VPS13D: variants seen among roughly 807,000 people sequenced by gnomAD.
VPS13D encodes vacuolar protein sorting 13 homolog D.
A neutral mutation model predicts 461.9 loss-of-function variants in VPS13D; 187 were observed. That is an observed-to-expected ratio of 0.40 (90% CI 0.36 to 0.46). The LOEUF is 0.46. VPS13D is among the 20% of genes least tolerant of loss of function. The pLI, the probability that VPS13D is intolerant of heterozygous loss-of-function variation, is 0.60. For missense variants in VPS13D, 4,711 were observed against 5,364.9 expected (o/e 0.88, Z 3.81); for synonymous variants, 1,951 against 1,986.3 (o/e 0.98, Z 0.47).
At chr1:12,333,044 C>T (rs1220857656) in intron 37 of VPS13D, among the ~76,000 whole-genome samples, 182 bp from the exon 38 acceptor site, 1 of 152,100 alleles carries the variant, frequency 6.6e-6, no homozygotes, top group African/African-American at 2.4e-5. Flanking sequence ...GTCTTCTGGA[C>T]AACGCAGACA....
chr1:12,337,412 A>T (rs1557718033), intron 39 of VPS13D: 1 of 152,238 alleles, frequency 6.6e-6, no homozygotes, highest in Non-Finnish European at 1.5e-5. Context: ...CAAGAATAGT[A>T]AGTCATATTC....
intron 60 of VPS13D, among the ~76,000 whole-genome samples, chr1:12,386,847 C>T (rs1644356594): frequency 6.6e-6 from 1 of 152,126 alleles, no homozygotes; most frequent in Non-Finnish European, 1.5e-5. Flanking sequence ...CCTGTAATTG[C>T]CTTTCTTACC....
intron 65 of VPS13D, among the ~76,000 whole-genome samples, chr1:12,433,641 G>A (rs1330549982): frequency 1.3e-5 from 2 of 152,196 alleles, no homozygotes; most frequent in Admixed American, 6.5e-5. Flanking sequence ...CAGCTCCTGC[G>A]GGGATCATTC....
intron 44 of VPS13D, among the ~76,000 whole-genome samples, chr1:12,348,041 A>G (rs1226826664): frequency 6.6e-6 from 1 of 152,226 alleles, no homozygotes; most frequent in African/African-American, 2.4e-5. Flanking sequence ...TAAAATACAG[A>G]CATTGGTTTT....
chr1:12,356,266 C>A, intron 48 of VPS13D, 132 bp from the exon 49 acceptor site: 1 of 1,399,380 alleles, frequency 7.1e-7, no homozygotes, highest in Non-Finnish European at 9.5e-7. Context: ...TCTTTTTAGG[C>A]AAGAAACTGA....
In VPS13D at chr1:12,268,781, T is replaced by G; in HGVS notation, c.1877T>G (p.Leu626Arg). Residue 626 changes from leucine to arginine, a missense_variant, in exon 16 of 70, where the codon CTC becomes CGC. By Grantham distance (102) the Leu-to-Arg change is moderately radical. Transcript: ENST00000620676. ...NPAHSHFERR[L>R]NVSTRPLNII... ...GCGCACAGCCACTTTGAGAGGCGGC[T>G]CAATGTCAGCACAAGGCCCTTGAAC... The G allele has an allele frequency of 6.2e-7, 1 of 1,614,106 alleles. No individual in the cohort carries two copies. Among genetic ancestry groups the G allele is most frequent in the Non-Finnish European group, 8.5e-7 (1 of 1,180,008 alleles).
chr1:12,254,017 T>C (rs1640827177), intron 7 of VPS13D, among the ~76,000 whole-genome samples, 191 bp downstream of exon 7: 1 of 152,206 alleles, frequency 6.6e-6, no homozygotes, highest in South Asian at 2.1e-4. Flanking sequence ...CAATATATAG[T>C]GCTTTGTTTT....
At position 12,306,186 on chromosome 1, in the gene VPS13D, G is replaced by A. The variant is rs187184831; in HGVS notation, c.6439+1458G>A. Among the ~76,000 whole-genome samples, 181 of 152,148 alleles carry A rather than the reference G, an allele frequency of 1.2e-3. 4 individuals carry two copies. In the East Asian group the frequency reaches 0.013, roughly 11 times the overall value. On this transcript the variant is annotated intron_variant, in intron 26 of 69. Transcript: ENST00000620676. The stretch of plus-strand genomic sequence containing the variant: ...TTTTTAGTAGAGATGGGGTTTCACC[G>A]TGTTAGCCAGGATGGTCTCGATCTC...
rs79208057 is a variant in VPS13D at position 12,457,728 on chromosome 1, A to G, written c.12466+1598A>G. 2.3e-3 allele frequency among the ~76,000 whole-genome samples: 345 copies of G among 152,314 alleles called. 12 individuals are homozygous for G. In the East Asian group the frequency reaches 0.061, roughly 27 times the overall value. ...AGAGTTTTTGTTTATCAGCTTTCCT[A>G]ATGGTGAGATTTGGATCAAAATGCC... On this transcript the variant is annotated intron_variant, in intron 66 of 69. Coordinates refer to ENST00000620676, the MANE Select transcript of VPS13D (RefSeq NM_015378.4).
At chr1:12,232,545 C>T (rs141899137) in intron 1 of VPS13D, among the ~76,000 whole-genome samples, 280 of 151,562 alleles carry the variant, frequency 1.8e-3, no homozygotes, top group African/African-American at 6.4e-3. Flanking sequence ...ACAGTTTCCA[C>T]TGGGATCTTC....
chr1:12,364,394 T>A (rs568094436), intron 52 of VPS13D, among the ~76,000 whole-genome samples: 1 of 152,338 alleles, frequency 6.6e-6, no homozygotes, highest in African/African-American at 2.4e-5. Context: ...ATTCACCTAT[T>A]AATGAACACT....
intron 60 of VPS13D, among the ~76,000 whole-genome samples, chr1:12,396,846 C>T (rs529244506): frequency 1.3e-5 from 2 of 152,108 alleles, no homozygotes; most frequent in East Asian, 1.9e-4. Flanking sequence ...CTCCTTTTTT[C>T]GACCTTACAG....
chr1:12,477,020 G>A (rs936413058), intron 67 of VPS13D, among the ~76,000 whole-genome samples: 29 of 152,338 alleles, frequency 1.9e-4, no homozygotes, highest in African/African-American at 6.7e-4. Flanking sequence ...TGGCTTCACT[G>A]AACCCCATCA....
chr1:12,325,653 C>A (rs915252096), intron 35 of VPS13D, among the ~76,000 whole-genome samples: 10 of 152,142 alleles, frequency 6.6e-5, no homozygotes, highest in Admixed American at 6.5e-4. Flanking sequence ...GTTGCCAATA[C>A]AATTTTATAG....
At position 12,318,270 on chromosome 1, in the gene VPS13D, A is replaced by G. The variant is rs1642942092; in HGVS notation, c.7347A>G (p.Val2449=). ...TTCCCAAAACTGTGAAGAGTGGAGT[A>G]GTTACCAAGCGGTCTTCCCTTCCTG... The part of the protein sequence containing the change: ...AIVPKTVKSG[V]VTKRSSLPVS... The change falls in exon 31 of 70, where the codon GTA becomes GTG. Residue 2449 remains valine (V), a synonymous_variant. Transcript: ENST00000620676. 1.2e-6 allele frequency: 2 copies of G among 1,614,014 alleles called. No homozygotes were observed. Among genetic ancestry groups the G allele is most frequent in the Non-Finnish European group, 1.7e-6 (2 of 1,179,952 alleles).
intron 11 of VPS13D, 40 bp from the exon 12 acceptor site, chr1:12,260,908 T>C: frequency 6.2e-7 from 1 of 1,613,708 alleles, no homozygotes; most frequent in Non-Finnish European, 8.5e-7. Flanking sequence ...CTTGCTTTTA[T>C]CTTTGAGTAC....
intron 65 of VPS13D, among the ~76,000 whole-genome samples, chr1:12,421,048 AATTT>A (rs1255504093): frequency 1.3e-5 from 2 of 152,186 alleles, no homozygotes; most frequent in Non-Finnish European, 2.9e-5. Flanking sequence ...TCTGTTGTTT[AATTT>A]ATTTAATACT....
chr1:12,342,825 T>G, intron 41 of VPS13D, 74 bp from the exon 42 acceptor site: 4 of 1,503,516 alleles, frequency 2.7e-6, no homozygotes, highest in Non-Finnish European at 3.6e-6. Context: ...GGTTCTGCTC[T>G]TCTGCACGGG....
Position 12,249,145 on chromosome 1 carries a change from A to C in VPS13D, c.448-78A>C, listed in dbSNP as rs1215268367. Reference sequence around the variant, plus strand: ...GTATTTCACCTACAGCAGTTATCTAAATGCTTTTTCTTTTTTCTTTTCTTT... The same window carrying C: ...GTATTTCACCTACAGCAGTTATCTACATGCTTTTTCTTTTTTCTTTTCTTT... On this transcript the variant is annotated intron_variant, in intron 5 of 69. Coordinates refer to ENST00000620676, the MANE Select transcript of VPS13D (RefSeq NM_015378.4). The C allele has an allele frequency of 2.5e-5, 31 of 1,227,534 alleles. No individual in the cohort carries two copies. The Admixed American group carries it at 6.0e-4, about 24-fold the overall frequency. The allele number at this position is 1,227,534 out of a possible 1,614,324, so 76.0% of individuals were successfully genotyped here.
Sources: gnomAD v4.1 joint callset for allele counts (sites outside exome capture counted in the v4.1 genomes callset) on GRCh38, gnomAD v4.1.1 for gene constraint, MANE v1.5 for transcripts, NCBI Gene and HGNC (gene_info 2026-07-23, HGNC 2026-07-21) for gene names.